Variants in PTER observed in about 807,000 individuals in gnomAD.
PTER encodes phosphotriesterase related.
PTER carries 38 observed loss-of-function variants against 29.6 expected under a neutral mutation model. The observed-to-expected ratio is 1.28, with a 90% CI of 0.99 to 1.68. The LOEUF (loss-of-function observed/expected upper bound fraction) is 1.68. Ranked by LOEUF, PTER falls within the 40% of genes most tolerant of loss-of-function variation. The probability of loss-of-function intolerance (pLI) is 0.00; values close to 1 mark genes in which losing one functional copy is unlikely to be tolerated. For missense variants in PTER, 482 were observed against 427.8 expected (o/e 1.13, Z -1.12); for synonymous variants, 172 against 154.5 (o/e 1.11, Z -0.84).
At chr10:16,470,306 G>C (rs930101720) in intron 1 of PTER, among the ~76,000 whole-genome samples, 1 of 152,142 alleles carries the variant, frequency 6.6e-6, no homozygotes, top group Non-Finnish European at 1.5e-5. Flanking sequence ...CATTATTGTT[G>C]GTTCCCAGCC....
chr10:16,500,323 C>T (rs1233435201), intron 3 of PTER, among the ~76,000 whole-genome samples: 1 of 151,934 alleles, frequency 6.6e-6, no homozygotes, highest in Non-Finnish European at 1.5e-5. Context: ...GACCATAGCT[C>T]GCTGCAGCCT....
At chr10:16,518,580 T>C (rs1328708561), downstream of PTER, among the ~76,000 whole-genome samples, 3 of 152,218 alleles carry the variant, frequency 2.0e-5, no homozygotes, top group Non-Finnish European at 4.4e-5. Flanking sequence ...CAAATCAGTG[T>C]AATATACACA....
intron 1 of PTER, among the ~76,000 whole-genome samples, chr10:16,468,754 C>T (rs1360547163): frequency 6.6e-6 from 1 of 151,854 alleles, no homozygotes; most frequent in Non-Finnish European, 1.5e-5. Flanking sequence ...TGGGAGGATC[C>T]CTTGAGTCCA....
intron 1 of PTER, among the ~76,000 whole-genome samples, chr10:16,471,298 G>C (rs1835044527): frequency 1.3e-5 from 2 of 152,108 alleles, no homozygotes; most frequent in African/African-American, 4.8e-5. Flanking sequence ...TGTGTGTTTT[G>C]GTTGGGGGAT....
intron 4 of PTER, among the ~76,000 whole-genome samples, chr10:16,505,622 T>C (rs193248913): frequency 1.3e-5 from 2 of 152,334 alleles, no homozygotes; most frequent in East Asian, 3.9e-4. Flanking sequence ...GTCTAAAGAC[T>C]AAATATTATG....
chr10:16,447,019 C>T (rs959313010), intron 1 of PTER, among the ~76,000 whole-genome samples: 1 of 151,792 alleles, frequency 6.6e-6, no homozygotes, highest in African/African-American at 2.4e-5. Context: ...GAACTCCTGA[C>T]TTCAGGCGAT....
rs143047208 is a variant in PTER at position 16,505,050 on chromosome 10, G to A, written c.729G>A (p.Glu243=). The change falls in exon 4 of 5, where the codon GAG becomes GAA. Residue 243 remains glutamate (E), a synonymous_variant. Transcript: ENST00000535784. ...RTILDKKELL[E]FAQLGCYLEY... The stretch of plus-strand genomic sequence containing the variant: ...TTCTTGATAAGAAAGAGCTCTTGGA[G>A]TTTGCTCAACTTGGCTGCTACTTGG... 16 of 1,613,976 alleles carry A rather than the reference G, an allele frequency of 9.9e-6. No individual in the cohort carries two copies. In the African/African-American group the frequency reaches 1.7e-4, roughly 17 times the overall value.
At chr10:16,514,554 A>G, downstream of PTER, 1 of 1,613,746 alleles carries the variant, frequency 6.2e-7, no homozygotes. Context: ...ATAAATCCAG[A>G]AAACGTGCTG....
chr10:16,499,044 G>T, intron 3 of PTER, among the ~76,000 whole-genome samples: 1 of 152,176 alleles, frequency 6.6e-6, no homozygotes, highest in East Asian at 1.9e-4. Context: ...GGGCAGCCTG[G>T]TTTAAGAACA....
intron 1 of PTER, among the ~76,000 whole-genome samples, chr10:16,470,839 T>C (rs1056045768): frequency 2.6e-5 from 4 of 152,342 alleles, no homozygotes; most frequent in South Asian, 4.1e-4. Context: ...TCTATTTTTA[T>C]GGTTTATCTT....
At chr10:16,440,143 G>T in intron 1 of PTER, among the ~76,000 whole-genome samples, 1 of 144,376 alleles carries the variant, frequency 6.9e-6, no homozygotes, top group Non-Finnish European at 1.5e-5. Flanking sequence ...TTGACTCACT[G>T]CAACCTCTGC....
intron 3 of PTER, among the ~76,000 whole-genome samples, chr10:16,497,026 C>A (rs563492846): frequency 7.7e-4 from 117 of 151,796 alleles, no homozygotes; most frequent in African/African-American, 2.8e-3. Flanking sequence ...CCTTTGCCTC[C>A]TGGGTTCCAG....
intron 1 of PTER, among the ~76,000 whole-genome samples, chr10:16,474,103 G>A (rs1588606854): frequency 6.6e-6 from 1 of 152,158 alleles, no homozygotes; most frequent in South Asian, 2.1e-4. Flanking sequence ...TGTAATCCCA[G>A]CTACTTGAGA....
intron 1 of PTER, among the ~76,000 whole-genome samples, chr10:16,462,486 C>A (rs116159010): frequency 0.019 from 2,834 of 151,764 alleles, 102 homozygotes; most frequent in African/African-American, 0.066. Flanking sequence ...AGGGTAGAAC[C>A]AAGAGTTAAG....
intron 1 of PTER, among the ~76,000 whole-genome samples, chr10:16,461,228 C>T (rs1482131557): frequency 6.6e-6 from 1 of 151,902 alleles, no homozygotes; most frequent in Non-Finnish European, 1.5e-5. Context: ...CTAGAGGAAC[C>T]TTTCTAAATA....
downstream of PTER, among the ~76,000 whole-genome samples, chr10:16,515,224 GA>G (rs71952606): frequency 0.028 from 3,729 of 134,798 alleles, 143 homozygotes; most frequent in African/African-American, 0.09. Context: ...TACTTACAAA[GA>G]AAAAAAAAAA....
intron 4 of PTER, among the ~76,000 whole-genome samples, chr10:16,510,825 A>G (rs1439698656): frequency 6.6e-6 from 1 of 152,192 alleles, no homozygotes; most frequent in Non-Finnish European, 1.5e-5. Context: ...ACAGGTTAGA[A>G]ATTTCTGTAT....
chr10:16,505,068 C>T lies in PTER; in HGVS notation c.747C>T (p.Cys249=). The T allele has an allele frequency of 6.2e-7, 1 of 1,613,966 alleles. No homozygotes were observed. The part of the protein sequence containing the change: ...KELLEFAQLG[C]YLEYDLFGTE... ...TCTTGGAGTTTGCTCAACTTGGCTG[C>T]TACTTGGAATATGATCTCTTTGGTA... The change falls in exon 4 of 5, where the codon TGC becomes TGT. Residue 249 remains cysteine, a synonymous_variant. Coordinates refer to ENST00000535784, the MANE Select transcript of PTER (RefSeq NM_001261836.2).
At chr10:16,464,995 C>T (rs189963470) in intron 1 of PTER, among the ~76,000 whole-genome samples, 2 of 152,222 alleles carry the variant, frequency 1.3e-5, no homozygotes, top group Admixed American at 1.3e-4. Flanking sequence ...ATAAAACCAT[C>T]AGATCTCGTG....
Sources: gnomAD v4.1 joint callset for allele counts (sites outside exome capture counted in the v4.1 genomes callset) on GRCh38, gnomAD v4.1.1 for gene constraint, MANE v1.5 for transcripts, NCBI Gene and HGNC (gene_info 2026-07-23, HGNC 2026-07-21) for gene names.